The following PTPRZ1 variants were observed in gnomAD, a reference collection of about 807,000 sequenced individuals.
PTPRZ1 encodes the protein receptor-type tyrosine-protein phosphatase zeta.
PTPRZ1 carries 82 observed loss-of-function variants against 214.1 expected under a neutral mutation model. The observed-to-expected ratio is 0.38, with a 90% CI of 0.32 to 0.46. The LOEUF is 0.46. Among genes scored for constraint, PTPRZ1 ranks in the 20% least tolerant of loss-of-function variants. PTPRZ1 has a pLI of 1.00. For missense variants in PTPRZ1, 2,603 were observed against 2,748.7 expected, an observed-to-expected ratio of 0.95 and a Z score of 1.19; for synonymous variants, 945 against 987.9, an observed-to-expected ratio of 0.96 and a Z score of 0.81.
chr7:122,037,590 G>A (rs1184936628), intron 18 of PTPRZ1, among the ~76,000 whole-genome samples: 4 of 152,144 alleles, frequency 2.6e-5, no homozygotes, highest in Non-Finnish European at 5.9e-5. Flanking sequence ...AGTCTAGCTG[G>A]CTTCAGGTTA....
chr7:121,990,813 C>T (rs1382548252), intron 8 of PTPRZ1, among the ~76,000 whole-genome samples: 2 of 152,166 alleles, frequency 1.3e-5, no homozygotes, highest in African/African-American at 2.4e-5. Context: ...AGCCATCGTG[C>T]TTGGCCAATA....
At chr7:121,929,955 G>A (rs1236447023) in intron 2 of PTPRZ1, among the ~76,000 whole-genome samples, 2 of 151,964 alleles carry the variant, frequency 1.3e-5, no homozygotes, top group Non-Finnish European at 2.9e-5. Context: ...CAAGATTGAT[G>A]ATTGTCATAT....
At chr7:122,037,917 A>G (rs1277662850) in intron 18 of PTPRZ1, among the ~76,000 whole-genome samples, 1 of 152,118 alleles carries the variant, frequency 6.6e-6, no homozygotes, top group Admixed American at 6.6e-5. Context: ...AATACCCAAG[A>G]CTGGGTAATT....
chr7:122,055,700 A>G (rs539217068), intron 27 of PTPRZ1, among the ~76,000 whole-genome samples: 4 of 151,972 alleles, frequency 2.6e-5, no homozygotes, highest in African/African-American at 9.6e-5. Flanking sequence ...GCAAATATCT[A>G]TTATTGAATT....
At chr7:122,045,032 C>T (rs1799845549) in intron 23 of PTPRZ1, among the ~76,000 whole-genome samples, 1 of 152,108 alleles carries the variant, frequency 6.6e-6, no homozygotes, top group Non-Finnish European at 1.5e-5. Context: ...TTCTTCAACC[C>T]CAGTTTCTCC....
chr7:121,976,351 TA>T, intron 5 of PTPRZ1, 83 bp downstream of exon 5: 1 of 892,952 alleles, frequency 1.1e-6, no homozygotes, highest in Non-Finnish European at 1.7e-6. Flanking sequence ...ACATAGTTTC[TA>T]ACAAAGAGAG....
At chr7:122,046,518 A>G (rs1317340843) in intron 23 of PTPRZ1, among the ~76,000 whole-genome samples, 1 of 152,196 alleles carries the variant, frequency 6.6e-6, no homozygotes, top group African/African-American at 2.4e-5. Context: ...GCAACTTACC[A>G]GAGGAGAATT....
intron 6 of PTPRZ1, among the ~76,000 whole-genome samples, chr7:121,979,385 C>A (rs1254955771): frequency 6.6e-6 from 1 of 152,156 alleles, no homozygotes; most frequent in Non-Finnish European, 1.5e-5. Flanking sequence ...AGACACATCC[C>A]AGGTAACATC....
At chr7:121,948,264 A>G (rs1796445966) in intron 2 of PTPRZ1, among the ~76,000 whole-genome samples, 1 of 152,140 alleles carries the variant, frequency 6.6e-6, no homozygotes. Context: ...TATTAGAAAG[A>G]AAAAGACCAA....
At chr7:122,048,757 C>T (rs1405008358) in intron 23 of PTPRZ1, among the ~76,000 whole-genome samples, 1 of 152,098 alleles carries the variant, frequency 6.6e-6, no homozygotes, top group Non-Finnish European at 1.5e-5. Context: ...TAAAATCCCA[C>T]CTTCAAAATA....
intron 2 of PTPRZ1, among the ~76,000 whole-genome samples, chr7:121,963,852 T>C (rs558959246): frequency 1.3e-5 from 2 of 152,226 alleles, no homozygotes; most frequent in African/African-American, 4.8e-5. Context: ...TAGTAGGTGA[T>C]TTAAATTTGG....
chr7:122,018,155 G>A (rs114598188), intron 12 of PTPRZ1, among the ~76,000 whole-genome samples: 1,847 of 152,242 alleles, frequency 0.012, 37 homozygotes, highest in African/African-American at 0.041. Flanking sequence ...AATGTCTGCA[G>A]GTAGATATAA....
At chr7:121,980,745 T>C (rs2116557986) in intron 6 of PTPRZ1, among the ~76,000 whole-genome samples, 1 of 152,370 alleles carries the variant, frequency 6.6e-6, no homozygotes, top group Admixed American at 6.5e-5. Context: ...TATTTTTCTT[T>C]GAGGCTTTCT....
At chr7:122,054,702 A>G (rs1792296728) in intron 26 of PTPRZ1, among the ~76,000 whole-genome samples, 1 of 152,058 alleles carries the variant, frequency 6.6e-6, no homozygotes, top group Non-Finnish European at 1.5e-5. Flanking sequence ...TAAGCTTATC[A>G]TTGTTGATAA....
At chr7:122,049,052 A>G (rs1015094342) in intron 23 of PTPRZ1, among the ~76,000 whole-genome samples, 6 of 152,142 alleles carry the variant, frequency 3.9e-5, no homozygotes, top group Admixed American at 3.9e-4. Context: ...TGATGGTTTA[A>G]CACTGGAAAA....
In PTPRZ1 at chr7:122,061,066, C is replaced by T; in HGVS notation, c.6808-14C>T. 6.3e-7 allele frequency: 1 copy of T among 1,575,064 alleles called. No homozygotes were observed. The highest frequency in any genetic ancestry group is 8.6e-7 in the Non-Finnish European group (1 of 1,160,992). ...GAGCTTCGCATTTATTACCTCCCAT[C>T]TTCTGTTCTCTAGGAGCAGTATCAG... On this transcript the variant is annotated splice_polypyrimidine_tract_variant and intron_variant, in intron 29 of 29. Coordinates refer to ENST00000393386, the MANE Select transcript of PTPRZ1 (RefSeq NM_002851.3).
intron 3 of PTPRZ1, 115 bp downstream of exon 3, chr7:121,968,245 C>A: frequency 2.4e-6 from 2 of 847,416 alleles, no homozygotes; most frequent in Non-Finnish European, 3.4e-6. Flanking sequence ...ATAGAAGTTA[C>A]ATGTAGAAGA....
intron 10 of PTPRZ1, among the ~76,000 whole-genome samples, chr7:122,003,030 A>G (rs1798375118): frequency 6.6e-6 from 1 of 152,214 alleles, no homozygotes; most frequent in African/African-American, 2.4e-5. Flanking sequence ...TGTCTGTCAC[A>G]GTTTAGTTGC....
intron 22 of PTPRZ1, 38 bp downstream of exon 22, chr7:122,042,781 T>A (rs1799773335): frequency 6.4e-7 from 1 of 1,573,364 alleles, no homozygotes; most frequent in Non-Finnish European, 8.7e-7. Flanking sequence ...TCATCTAAGG[T>A]ATGGAAATGT....
Sources: gnomAD v4.1 joint callset for allele counts (sites outside exome capture counted in the v4.1 genomes callset) on GRCh38, gnomAD v4.1.1 for gene constraint, MANE v1.5 for transcripts, NCBI Gene and HGNC (gene_info 2026-07-23, HGNC 2026-07-21) for gene names.